The following ENPP6 variants were observed in gnomAD, a reference collection of about 807,000 sequenced individuals.
The protein encoded by ENPP6 is glycerophosphocholine cholinephosphodiesterase ENPP6.
Under a neutral mutation model 42.0 loss-of-function variants are expected in ENPP6, and 32 were observed. The observed-to-expected ratio is 0.76, with a 90% CI of 0.58 to 1.02. The LOEUF is 1.02. Among genes scored for constraint, ENPP6 ranks in the 50% least tolerant of loss-of-function variants. ENPP6 has a pLI of 0.00. For missense variants in ENPP6, 552 were observed against 566.8 expected (o/e 0.97, Z 0.27); for synonymous variants, 213 against 216.0 (o/e 0.99, Z 0.12).
rs527720923 is a variant in ENPP6 at position 184,203,004 on chromosome 4, G to A, written c.241+14575C>T. ...CATGCCTGTAATCCCAGCACTTTGGGAGGCCAAAGCAGGTGGATCACCTGA... is the reference window on the plus strand; with the variant it reads ...CATGCCTGTAATCCCAGCACTTTGGAAGGCCAAAGCAGGTGGATCACCTGA... On this transcript the variant is annotated intron_variant, in intron 1 of 7. Coordinates refer to ENST00000296741, the MANE Select transcript of ENPP6 (RefSeq NM_153343.4). 8.5e-5 allele frequency among the ~76,000 whole-genome samples: 13 copies of A among 152,250 alleles called. 1 individual carries two copies. The highest frequency in any genetic ancestry group is 2.9e-4 in the African/African-American group (12 of 41,540).
rs535101953 is a variant in ENPP6, at chr4:184,209,249, G to A, written c.241+8330C>T. Among the ~76,000 whole-genome samples the A allele has an allele frequency of 4.3e-4, 64 of 150,408 alleles. 1 individual carries two copies. Among genetic ancestry groups the A allele is most frequent in the African/African-American group, 1.3e-3 (51 of 40,226 alleles). On this transcript the variant is annotated intron_variant, in intron 1 of 7. Coordinates refer to ENST00000296741, the MANE Select transcript of ENPP6 (RefSeq NM_153343.4). ...AAGCTGGATGGAGAATGACTTTGAC[G>A]AGCTGAGAGAAGAAGGCTTCAGACG...
At chr4:184,194,253 T>G (rs1732760404) in intron 1 of ENPP6, among the ~76,000 whole-genome samples, 1 of 152,210 alleles carries the variant, frequency 6.6e-6, no homozygotes, top group South Asian at 2.1e-4. Flanking sequence ...ACTGAGATGC[T>G]GTACTGAGAT....
chr4:184,142,642 C>T (rs1736842664), intron 2 of ENPP6, among the ~76,000 whole-genome samples: 1 of 152,200 alleles, frequency 6.6e-6, no homozygotes. Context: ...AGATGAGAAC[C>T]AACTCATCCA....
In ENPP6 at chr4:184,210,230, A is replaced by G. The variant is rs1266151444; in HGVS notation, c.241+7349T>C. Among the ~76,000 whole-genome samples, 139 of 149,036 alleles carry G rather than the reference A, an allele frequency of 9.3e-4. 1 individual carries two copies. The Middle Eastern group carries it at 0.014, about 15-fold the overall frequency. On this transcript the variant is annotated intron_variant, in intron 1 of 7. Coordinates refer to ENST00000296741, the MANE Select transcript of ENPP6 (RefSeq NM_153343.4). ...CATAATGACAGGATCAAATTCACAC[A>G]TAACAATATTAACTTTAAATGTAAA...
intron 3 of ENPP6, among the ~76,000 whole-genome samples, chr4:184,123,558 C>T (rs1736454824): frequency 6.6e-6 from 1 of 152,172 alleles, no homozygotes; most frequent in Non-Finnish European, 1.5e-5. Flanking sequence ...TCTTGACTTC[C>T]ACTTCCAGAG....
intron 2 of ENPP6, among the ~76,000 whole-genome samples, chr4:184,135,191 G>GTAAAT (rs1284160887): frequency 1.3e-5 from 2 of 152,188 alleles, no homozygotes; most frequent in East Asian, 3.9e-4. Context: ...CAGAGTTCTA[G>GTAAAT]TAAATTCAAT....
At chr4:184,206,473 G>A (rs1733002360) in intron 1 of ENPP6, among the ~76,000 whole-genome samples, 1 of 147,242 alleles carries the variant, frequency 6.8e-6, no homozygotes, top group African/African-American at 2.6e-5. Flanking sequence ...AGCCAGGATG[G>A]TCTCGATCTC....
intron 1 of ENPP6, among the ~76,000 whole-genome samples, chr4:184,177,492 C>T (rs1425962441): frequency 1.3e-5 from 2 of 152,204 alleles, no homozygotes; most frequent in African/African-American, 2.4e-5. Flanking sequence ...CAGCACAGTG[C>T]ACCCCCTCCA....
chr4:184,154,152 C>T (rs1000174413), intron 1 of ENPP6, among the ~76,000 whole-genome samples: 1 of 152,190 alleles, frequency 6.6e-6, no homozygotes, highest in African/African-American at 2.4e-5. Context: ...GCTGTTATAG[C>T]GTTTATTCTT....
At chr4:184,206,641 G>A (rs572848104) in intron 1 of ENPP6, among the ~76,000 whole-genome samples, 75 of 152,232 alleles carry the variant, frequency 4.9e-4, no homozygotes, top group Middle Eastern at 6.8e-3. Context: ...GATTGCCTTT[G>A]GTCCAGTTTT....
At chr4:184,119,531 G>A (rs753249343) in intron 3 of ENPP6, among the ~76,000 whole-genome samples, 3 of 152,060 alleles carry the variant, frequency 2.0e-5, no homozygotes, top group Non-Finnish European at 4.4e-5. Flanking sequence ...GACAAATTCG[G>A]GATCAAACTC....
chr4:184,151,085 C>T (rs1737016760), intron 2 of ENPP6, among the ~76,000 whole-genome samples: 1 of 152,212 alleles, frequency 6.6e-6, no homozygotes, highest in Admixed American at 6.5e-5. Context: ...TGCCTATAAT[C>T]CCAGCACTTT....
At chr4:184,096,201 T>G (rs1735898995) in intron 7 of ENPP6, among the ~76,000 whole-genome samples, 1 of 152,116 alleles carries the variant, frequency 6.6e-6, no homozygotes, top group African/African-American at 2.4e-5. Context: ...TTGTGGAAAG[T>G]AGAGTGAACG....
intron 2 of ENPP6, among the ~76,000 whole-genome samples, chr4:184,131,140 A>ACTTT (rs1171459794): frequency 0.057 from 6,887 of 121,520 alleles, 413 homozygotes; most frequent in Middle Eastern, 0.11. Context: ...ACCAGCACTT[A>ACTTT]CTTTCTTTCT....
intron 1 of ENPP6, among the ~76,000 whole-genome samples, chr4:184,203,429 C>G (rs1336957116): frequency 6.6e-6 from 1 of 152,182 alleles, no homozygotes; most frequent in African/African-American, 2.4e-5. Context: ...AGTTCCCAGC[C>G]TCAGGACCTG....
intron 6 of ENPP6, among the ~76,000 whole-genome samples, chr4:184,106,097 C>T (rs1045977762): frequency 1.1e-4 from 17 of 151,190 alleles, no homozygotes; most frequent in African/African-American, 4.1e-4. Context: ...TGCAGTGGCG[C>T]AGTCTTGGCT....
rs551455900 is a variant in ENPP6 at position 184,178,251 on chromosome 4, C to A, written c.242-24518G>T. Among the ~76,000 whole-genome samples the A allele has an allele frequency of 1.2e-3, 185 of 150,992 alleles. 4 individuals are homozygous for A. In the South Asian group the frequency reaches 0.038, roughly 31 times the overall value. On this transcript the variant is annotated intron_variant, in intron 1 of 7. Transcript: ENST00000296741. The stretch of plus-strand genomic sequence containing the variant: ...CACAAGTATCAATAGCCAAGCAGAC[C>A]AAGCAGAAGAAAGAATTTCAGAACT...
chr4:184,106,033 C>T (rs1736084386), intron 6 of ENPP6, among the ~76,000 whole-genome samples: 1 of 103,682 alleles, frequency 9.6e-6, no homozygotes, highest in Middle Eastern at 5.2e-3. Flanking sequence ...ATCAAAAATA[C>T]CAAGTTGTTT....
In ENPP6 at chr4:184,131,259, TCTTC is replaced by T. The variant is rs779153660; in HGVS notation, c.422-6991_422-6988del. Among the ~76,000 whole-genome samples the T allele has an allele frequency of 6.7e-3, 489 of 73,328 alleles. 19 individuals are homozygous for T. Among genetic ancestry groups the T allele is most frequent in the African/African-American group, 0.024 (437 of 18,304 alleles). The allele number at this position is 73,328 out of a possible 152,430, so 48.1% of individuals were successfully genotyped here. ...CCTTTTCTTTCTTTCTTTCTCTTTCTCTTCCTTCCTTCCTTCCTTCCTTCCTTCC... is the reference window on the plus strand; with the variant it reads ...CCTTTTCTTTCTTTCTTTCTCTTTCTCTTCCTTCCTTCCTTCCTTCCTTCC... On this transcript the variant is annotated intron_variant, in intron 2 of 7. Coordinates refer to ENST00000296741, the MANE Select transcript of ENPP6 (RefSeq NM_153343.4).
Sources: gnomAD v4.1 joint callset for allele counts (sites outside exome capture counted in the v4.1 genomes callset) on GRCh38, gnomAD v4.1.1 for gene constraint, MANE v1.5 for transcripts, NCBI Gene and HGNC (gene_info 2026-07-23, HGNC 2026-07-21) for gene names.